P3H2: variants seen among roughly 807,000 people sequenced by gnomAD.
P3H2 encodes leprecan-like 1.
Under a neutral mutation model 87.0 loss-of-function variants are expected in P3H2, and 80 were observed. The observed-to-expected ratio is 0.92, with a 90% CI of 0.77 to 1.11. The LOEUF (loss-of-function observed/expected upper bound fraction) is 1.11, where lower values mean the gene tolerates loss of function less well. Among genes scored for constraint, P3H2 ranks in the 50% least tolerant of loss-of-function variants. P3H2 has a pLI of 0.00. For missense variants in P3H2, 1,001 were observed against 923.9 expected (o/e 1.08, Z -1.08); for synonymous variants, 367 against 359.3 (o/e 1.02, Z -0.24).
At chr3:190,071,014 C>A (rs1017171579) in intron 1 of P3H2, among the ~76,000 whole-genome samples, 8 of 152,066 alleles carry the variant, frequency 5.3e-5, no homozygotes, top group African/African-American at 1.9e-4. Flanking sequence ...ATAATTTTGG[C>A]TTTTTTCCGG....
chr3:189,982,555 AC>A (rs1354370633), intron 8 of P3H2, among the ~76,000 whole-genome samples: 1 of 152,092 alleles, frequency 6.6e-6, no homozygotes, highest in Admixed American at 6.6e-5. Flanking sequence ...GGTTCCCTCT[AC>A]ATCCATGCAT....
chr3:190,119,529 A>T (rs191246000), intron 1 of P3H2, among the ~76,000 whole-genome samples: 3 of 152,300 alleles, frequency 2.0e-5, no homozygotes, highest in Admixed American at 6.5e-5. Flanking sequence ...CAAGTTAGGC[A>T]TACAAAAATA....
chr3:189,968,845 GTGA>G (rs1183087442), intron 13 of P3H2, among the ~76,000 whole-genome samples: 1 of 152,186 alleles, frequency 6.6e-6, no homozygotes, highest in Non-Finnish European at 1.5e-5. Flanking sequence ...CTAATGACCA[GTGA>G]TGATGAGCTT....
At chr3:190,095,303 C>CATACATAT (rs1727534217) in intron 1 of P3H2, among the ~76,000 whole-genome samples, 1 of 49,440 alleles carries the variant, frequency 2.0e-5, no homozygotes, top group African/African-American at 9.0e-5. Flanking sequence ...TGTCTCAAAA[C>CATACATAT]ATATATATAT....
chr3:190,095,217 A>G (rs1312794712), intron 1 of P3H2, among the ~76,000 whole-genome samples: 1 of 149,944 alleles, frequency 6.7e-6, no homozygotes, highest in Non-Finnish European at 1.5e-5. Flanking sequence ...CGAGTCTTAC[A>G]GACATTAAAT....
At chr3:189,961,411 T>C (rs1412365293) in intron 14 of P3H2, among the ~76,000 whole-genome samples, 6 of 152,224 alleles carry the variant, frequency 3.9e-5, no homozygotes, top group African/African-American at 9.7e-5. Context: ...AGGATGTTGC[T>C]AAATACTCCT....
chr3:190,095,346 A>ATATATATATATG (rs1727540530), intron 1 of P3H2, among the ~76,000 whole-genome samples: 2 of 116,262 alleles, frequency 1.7e-5, no homozygotes, highest in Non-Finnish European at 3.6e-5. Flanking sequence ...ATATATATAT[A>ATATATATATATG]TATGGATTAT....
chr3:190,041,230 C>T (rs1053283870), intron 1 of P3H2, among the ~76,000 whole-genome samples: 1 of 135,298 alleles, frequency 7.4e-6, no homozygotes, highest in African/African-American at 2.7e-5. Flanking sequence ...CAAGATTGTG[C>T]CATTGCACTC....
chr3:190,035,198 T>C (rs1725383081), intron 1 of P3H2, among the ~76,000 whole-genome samples: 1 of 152,048 alleles, frequency 6.6e-6, no homozygotes, highest in Non-Finnish European at 1.5e-5. Flanking sequence ...TTGTTTGTAA[T>C]TGCTTCCTTG....
At chr3:189,991,686 A>G (rs577388322) in intron 3 of P3H2, among the ~76,000 whole-genome samples, 2 of 152,382 alleles carry the variant, frequency 1.3e-5, no homozygotes, top group African/African-American at 4.8e-5. Context: ...GGAATCAAAA[A>G]GCAGGAGAGA....
chr3:189,959,761 C>T (rs1393613146), intron 14 of P3H2, among the ~76,000 whole-genome samples: 1 of 152,004 alleles, frequency 6.6e-6, no homozygotes, highest in Non-Finnish European at 1.5e-5. Flanking sequence ...CTCAAATCTT[C>T]CATCTCTTTT....
intron 1 of P3H2, 73 bp from the exon 2 acceptor site, chr3:189,995,515 A>G: frequency 6.7e-7 from 1 of 1,490,068 alleles, no homozygotes; most frequent in Non-Finnish European, 9.1e-7. Context: ...ACAAAGATCA[A>G]TCCAAAATCT....
At chr3:190,008,993 A>C (rs1208694451) in intron 1 of P3H2, among the ~76,000 whole-genome samples, 1 of 152,204 alleles carries the variant, frequency 6.6e-6, no homozygotes, top group Non-Finnish European at 1.5e-5. Flanking sequence ...GATGGATCTG[A>C]AAAGTCTTCA....
At position 190,120,536 on chromosome 3, in the gene P3H2, C is replaced by A. The variant is rs752644553; in HGVS notation, c.196G>T (p.Asp66Tyr). The change falls in exon 1 of 15, where the codon GAC becomes TAC. Residue 66 changes from aspartate to tyrosine, a missense_variant. Physicochemically the swap from Asp to Tyr is radical, Grantham distance 160. Coordinates refer to ENST00000319332, the MANE Select transcript of P3H2 (RefSeq NM_018192.4). The stretch of plus-strand genomic sequence containing the variant: ...TGGCTGCGCAGCGCCGCTTCCAAGT[C>A]GCGCACCGCTCGCTCGTAGTCTCCG... ...YSGDYERAVR[D>Y]LEAALRSHRR... is the part of the protein sequence containing the mutation. 3.3e-6 allele frequency: 5 copies of A among 1,505,372 alleles called. No homozygotes were observed. In the South Asian group the frequency reaches 5.0e-5, roughly 15 times the overall value. The allele number at this position is 1,505,372 out of a possible 1,614,324, so 93.3% of individuals were successfully genotyped here.
chr3:190,037,259 C>A (rs1344266538), intron 1 of P3H2, among the ~76,000 whole-genome samples: 1 of 151,830 alleles, frequency 6.6e-6, no homozygotes, highest in East Asian at 1.9e-4. Flanking sequence ...TCTGACACTG[C>A]CTTCCCTAAA....
intron 1 of P3H2, among the ~76,000 whole-genome samples, chr3:190,041,091 C>CTA (rs770776740): frequency 2.0e-5 from 1 of 50,852 alleles, no homozygotes; most frequent in Non-Finnish European, 4.3e-5. Context: ...CTCTCTCTCT[C>CTA]TATATATATA....
chr3:189,960,751 C>T (rs559877194), intron 14 of P3H2, among the ~76,000 whole-genome samples: 11 of 152,210 alleles, frequency 7.2e-5, no homozygotes, highest in African/African-American at 1.7e-4. Flanking sequence ...ACAGTGCCTG[C>T]GCACAGTAAG....
intron 1 of P3H2, among the ~76,000 whole-genome samples, chr3:189,997,468 A>G (rs1381365974): frequency 1.3e-5 from 2 of 152,222 alleles, no homozygotes; most frequent in Admixed American, 1.3e-4. Flanking sequence ...GTAAGATTCA[A>G]CTGTATCTGC....
At chr3:190,066,201 G>A (rs991286401) in intron 1 of P3H2, among the ~76,000 whole-genome samples, 1 of 145,930 alleles carries the variant, frequency 6.9e-6, no homozygotes, top group African/African-American at 2.7e-5. Context: ...ATATATATAT[G>A]ATGGAATATG....
Sources: gnomAD v4.1 joint callset for allele counts (sites outside exome capture counted in the v4.1 genomes callset) on GRCh38, gnomAD v4.1.1 for gene constraint, MANE v1.5 for transcripts, NCBI Gene and HGNC (gene_info 2026-07-23, HGNC 2026-07-21) for gene names.